The following BAIAP2L1 variants were observed in gnomAD, a reference collection of about 807,000 sequenced individuals.
BAIAP2L1 encodes the protein BAR/IMD domain containing adaptor protein 2 like 1, also known as BAR/IMD domain-containing adapter protein 2-like 1.
Under a neutral mutation model 66.3 loss-of-function variants are expected in BAIAP2L1, and 35 were observed. The ratio of observed to expected loss-of-function variants is 0.53; its 90% CI spans 0.40 to 0.70. BAIAP2L1 has a LOEUF of 0.70. Ranked by LOEUF, BAIAP2L1 falls within the 30% of genes least tolerant of loss-of-function variation. The pLI, the probability that BAIAP2L1 is intolerant of heterozygous loss-of-function variation, is 0.00. For missense variants in BAIAP2L1, 622 were observed against 656.9 expected (o/e 0.95, Z 0.58); for synonymous variants, 269 against 248.7 (o/e 1.08, Z -0.77).
At chr7:98,302,468 G>A (rs769014384) in intron 12 of BAIAP2L1, among the ~76,000 whole-genome samples, 18 of 152,140 alleles carry the variant, frequency 1.2e-4, no homozygotes, top group African/African-American at 4.1e-4. Flanking sequence ...ACGTCCACAC[G>A]TGCCTCCTCA....
intron 12 of BAIAP2L1, 129 bp from the exon 13 acceptor site, chr7:98,294,240 A>G: frequency 1.1e-6 from 1 of 910,378 alleles, no homozygotes; most frequent in Non-Finnish European, 1.7e-6. Flanking sequence ...TGATCCTTCC[A>G]CCTTGGCCTC....
chr7:98,313,549 A>G (rs1334857705), intron 7 of BAIAP2L1, among the ~76,000 whole-genome samples: 1 of 152,168 alleles, frequency 6.6e-6, no homozygotes, highest in Non-Finnish European at 1.5e-5. Context: ...TACATTCCCG[A>G]AACTAGTACA....
chr7:98,365,424 A>AT (rs1802371398), intron 1 of BAIAP2L1, among the ~76,000 whole-genome samples: 1 of 152,164 alleles, frequency 6.6e-6, no homozygotes, highest in African/African-American at 2.4e-5. Flanking sequence ...TGAATTTGAT[A>AT]TATCTTAATT....
intron 2 of BAIAP2L1, among the ~76,000 whole-genome samples, chr7:98,357,020 A>AAAATAT (rs1554337328): frequency 3.6e-5 from 1 of 28,100 alleles, no homozygotes; most frequent in African/African-American, 2.3e-4. Context: ...AAAAAAAAAA[A>AAAATAT]ATATATATAT....
intron 1 of BAIAP2L1, among the ~76,000 whole-genome samples, chr7:98,393,022 TAC>T (rs1214756699): frequency 7.4e-6 from 1 of 134,432 alleles, no homozygotes; most frequent in East Asian, 2.0e-4. Context: ...TATATATACA[TAC>T]ACACATATAT....
intron 1 of BAIAP2L1, chr7:98,386,718 G>A: frequency 2.8e-6 from 1 of 358,632 alleles, no homozygotes; most frequent in Non-Finnish European, 4.6e-6. Context: ...TTTTTTTTTT[G>A]GTGACAGAGT....
intron 1 of BAIAP2L1, among the ~76,000 whole-genome samples, chr7:98,398,848 C>T (rs1688601): frequency 2.0e-5 from 3 of 152,034 alleles, no homozygotes; most frequent in Non-Finnish European, 4.4e-5. Context: ...AAGTTGCAAT[C>T]GCAGCTCAGA....
chr7:98,292,241 C>A lies in BAIAP2L1; in HGVS notation c.*1280G>T. The A allele has an allele frequency of 4.1e-6, 1 of 245,810 alleles. No homozygotes were observed. Among genetic ancestry groups the A allele is most frequent in the Non-Finnish European group, 8.1e-6 (1 of 123,156 alleles). 15.2% of individuals were successfully genotyped at this position (245,810 alleles called of 1,614,324 possible). ...AGGGGATAAGTCACAGCCCCAGCAC[C>A]CAGCAACACACACGGTGAGCGGCCG... On this transcript the variant is annotated 3_prime_UTR_variant, in exon 14 of 14. Transcript: ENST00000005260.
intron 12 of BAIAP2L1, 101 bp from the exon 13 acceptor site, chr7:98,294,212 CG>C: frequency 2.4e-6 from 3 of 1,276,190 alleles, no homozygotes; most frequent in Non-Finnish European, 3.3e-6. Flanking sequence ...AGGCTGGTTT[CG>C]AACTCCTGAG....
chr7:98,331,465 C>CTTTTTT (rs34202570), intron 3 of BAIAP2L1, among the ~76,000 whole-genome samples: 2 of 115,670 alleles, frequency 1.7e-5, no homozygotes, highest in Admixed American at 1.1e-4. Context: ...AAAGAAAAAT[C>CTTTTTT]TTTTTTTTTT....
At chr7:98,364,568 AGAACTAATGCGT>A (rs1472774266) in intron 1 of BAIAP2L1, among the ~76,000 whole-genome samples, 19 of 152,016 alleles carry the variant, frequency 1.2e-4, no homozygotes, top group African/African-American at 4.3e-4. Context: ...AAATGATCTA[AGAACTAATGCGT>A]GAGAGGTAAA....
chr7:98,356,359 A>C (rs577386475), intron 2 of BAIAP2L1, among the ~76,000 whole-genome samples: 14 of 152,326 alleles, frequency 9.2e-5, no homozygotes, highest in African/African-American at 3.1e-4. Flanking sequence ...TTGGTTTCAG[A>C]CATAGAAATC....
chr7:98,323,603 CTGG>C (rs1160381395), intron 3 of BAIAP2L1, among the ~76,000 whole-genome samples: 1 of 152,230 alleles, frequency 6.6e-6, no homozygotes, highest in Non-Finnish European at 1.5e-5. Flanking sequence ...ACCGTTGAAC[CTGG>C]TGCTCTGGCC....
At chr7:98,331,268 A>G (rs369137800) in intron 3 of BAIAP2L1, among the ~76,000 whole-genome samples, 1 of 152,144 alleles carries the variant, frequency 6.6e-6, no homozygotes, top group East Asian at 1.9e-4. Flanking sequence ...AATAGCCACA[A>G]TGGAAATACC....
chr7:98,310,461 CCT>C lies in BAIAP2L1; in HGVS notation c.937_938del (p.Arg313GlyfsTer3), dbSNP rs1800825063. 6.3e-7 allele frequency: 1 copy of C among 1,597,216 alleles called. No individual in the cohort carries two copies. ...NPATAAPNSQ[R>X]VNNSTGTSED... ...ATCTCTTACCTGTTGAATTATTTAC[CCT>C]TTGTGAATTCGGGGCAGCCGTGGCT... is the stretch of plus-strand genomic sequence containing the variant. On this transcript the variant is annotated frameshift_variant, in exon 9 of 14. Transcript: ENST00000005260. LOFTEE classifies it high-confidence loss of function.
chr7:98,356,044 CTT>C (rs1464080922), intron 2 of BAIAP2L1, among the ~76,000 whole-genome samples: 3 of 152,074 alleles, frequency 2.0e-5, no homozygotes, highest in Non-Finnish European at 2.9e-5. Context: ...GACAAGAAAA[CTT>C]TTATTGCTAC....
At chr7:98,358,270 A>C (rs1357714926) in intron 2 of BAIAP2L1, among the ~76,000 whole-genome samples, 1 of 152,154 alleles carries the variant, frequency 6.6e-6, no homozygotes, top group East Asian at 1.9e-4. Context: ...GAGATAAATA[A>C]TACTTTCATA....
Position 98,363,027 on chromosome 7 carries a change from C to CTTT in BAIAP2L1, c.52-598_52-596dup, listed in dbSNP as rs71537235. Among the ~76,000 whole-genome samples the CTTT allele has an allele frequency of 5.2e-3, 389 of 75,522 alleles. 7 individuals are homozygous for CTTT. The highest frequency in any genetic ancestry group is 0.015 in the African/African-American group (332 of 21,986). The allele number at this position is 75,522 out of a possible 152,430, so 49.5% of individuals were successfully genotyped here. On this transcript the variant is annotated intron_variant, in intron 1 of 13. Coordinates refer to ENST00000005260, the MANE Select transcript of BAIAP2L1 (RefSeq NM_018842.5). The stretch of plus-strand genomic sequence containing the variant: ...CTTCTGGATGTCCCTGGCATTTTTT[C>CTTT]TTTTTTTTTTTTTTTTTTTTTTTTT...
At chr7:98,312,663 A>G (rs1800914329) in intron 7 of BAIAP2L1, among the ~76,000 whole-genome samples, 1 of 152,190 alleles carries the variant, frequency 6.6e-6, no homozygotes, top group Non-Finnish European at 1.5e-5. Context: ...CACCTCCAAC[A>G]CAGGCCACGG....
Sources: allele counts gnomAD v4.1 joint callset (sites outside exome capture counted in the v4.1 genomes callset), GRCh38; gene constraint gnomAD v4.1.1; transcripts MANE v1.5; gene names NCBI Gene and HGNC (gene_info 2026-07-23, HGNC 2026-07-21).